RNF17: variants seen among roughly 807,000 people sequenced by gnomAD.
The protein encoded by RNF17 is ring finger protein 17.
A neutral mutation model predicts 200.5 loss-of-function variants in RNF17; 31 were observed. The observed-to-expected ratio is 0.15, with a 90% CI of 0.12 to 0.21. RNF17 has a LOEUF of 0.21. Ranked by LOEUF, RNF17 falls within the 10% of genes least tolerant of loss-of-function variation. The probability of loss-of-function intolerance (pLI) is 1.00; values close to 1 mark genes in which losing one functional copy is unlikely to be tolerated. For missense variants in RNF17, 1,628 were observed against 1,905.1 expected (o/e 0.85, Z 2.71); for synonymous variants, 606 against 637.8 (o/e 0.95, Z 0.75).
At chr13:24,843,994 A>G (rs1890974400) in intron 20 of RNF17, 23 bp downstream of exon 20, 3 of 671,456 alleles carry the variant, frequency 4.5e-6, no homozygotes, top group African/African-American at 3.8e-5. Flanking sequence ...TATATAATAT[A>G]TAAGGAAAAT....
intron 31 of RNF17, among the ~76,000 whole-genome samples, chr13:24,869,313 C>T (rs1208344625): frequency 6.6e-6 from 1 of 152,150 alleles, no homozygotes; most frequent in Non-Finnish European, 1.5e-5. Context: ...CTCTCACAGG[C>T]AGGGGAAGGA....
At chr13:24,797,657 A>G (rs757594628) in intron 11 of RNF17, among the ~76,000 whole-genome samples, 27 of 150,712 alleles carry the variant, frequency 1.8e-4, no homozygotes, top group Non-Finnish European at 3.4e-4. Context: ...GTGTGTCTAC[A>G]TTGTCCCAGT....
intron 25 of RNF17, among the ~76,000 whole-genome samples, chr13:24,857,576 G>A (rs990102685): frequency 6.6e-6 from 1 of 152,188 alleles, no homozygotes; most frequent in Non-Finnish European, 1.5e-5. Context: ...TGTAAGACCT[G>A]TCACTTACAC....
intron 29 of RNF17, 38 bp downstream of exon 29, chr13:24,865,036 G>A: frequency 6.9e-7 from 1 of 1,447,194 alleles, no homozygotes; most frequent in Non-Finnish European, 9.4e-7. Flanking sequence ...CTAAAGTGTA[G>A]AAAAGTCTAG....
intron 15 of RNF17, among the ~76,000 whole-genome samples, chr13:24,812,679 A>C (rs8001694): frequency 0.72 from 31,155 of 43,454 alleles, 9,593 homozygotes; most frequent in Non-Finnish European, 0.75. Flanking sequence ...TCCCCGCCCC[A>C]CCCCCTTTTT....
At chr13:24,762,138 G>T (rs569334312), upstream of RNF17, among the ~76,000 whole-genome samples, 2 of 152,234 alleles carry the variant, frequency 1.3e-5, no homozygotes, top group South Asian at 4.2e-4. Context: ...GGAGGCCTAA[G>T]GCGGGCAGAC....
downstream of RNF17, among the ~76,000 whole-genome samples, chr13:24,880,476 T>C (rs760175484): frequency 2.0e-5 from 3 of 152,228 alleles, no homozygotes; most frequent in South Asian, 2.1e-4. Flanking sequence ...AATGTCTTTA[T>C]AGTTTTACTA....
At chr13:24,769,519 A>C (rs1880356800) in intron 2 of RNF17, among the ~76,000 whole-genome samples, 2 of 152,296 alleles carry the variant, frequency 1.3e-5, no homozygotes, top group Admixed American at 1.3e-4. Context: ...TCATTCAAGA[A>C]ACCTTCCTGA....
chr13:24,821,459 C>T (rs191913635), intron 15 of RNF17, among the ~76,000 whole-genome samples: 1 of 152,224 alleles, frequency 6.6e-6, no homozygotes, highest in Admixed American at 6.5e-5. Flanking sequence ...TTGTCTCTCT[C>T]TTCCTTCTAT....
At chr13:24,796,060 C>A in intron 10 of RNF17, 77 bp from the exon 11 acceptor site, 1 of 1,098,782 alleles carries the variant, frequency 9.1e-7, no homozygotes, top group Non-Finnish European at 1.3e-6. Context: ...CTTTTAGAGG[C>A]TATTATGGTT....
chr13:24,816,046 C>T (rs1887366528), intron 15 of RNF17, among the ~76,000 whole-genome samples: 1 of 152,094 alleles, frequency 6.6e-6, no homozygotes, highest in South Asian at 2.1e-4. Flanking sequence ...AGGTGCACAC[C>T]ACCACACCAG....
chr13:24,779,829 G>T, intron 5 of RNF17, 82 bp downstream of exon 5: 1 of 1,088,118 alleles, frequency 9.2e-7, no homozygotes, highest in Non-Finnish European at 1.4e-6. Flanking sequence ...TGTTACCACT[G>T]AGGTTAGAGC....
intron 18 of RNF17, among the ~76,000 whole-genome samples, chr13:24,833,400 A>C (rs954230896): frequency 5.3e-5 from 8 of 152,228 alleles, no homozygotes; most frequent in Non-Finnish European, 8.8e-5. Flanking sequence ...AGGCTATAGA[A>C]GTTTTCTATC....
At chr13:24,854,398 A>G (rs2138249797) in intron 25 of RNF17, among the ~76,000 whole-genome samples, 1 of 152,306 alleles carries the variant, frequency 6.6e-6, no homozygotes, top group East Asian at 1.9e-4. Context: ...GAAGAAAGGA[A>G]TTTGGAATTT....
upstream of RNF17, among the ~76,000 whole-genome samples, chr13:24,761,358 G>C (rs1387338455): frequency 6.6e-6 from 1 of 152,200 alleles, no homozygotes; most frequent in Non-Finnish European, 1.5e-5. Flanking sequence ...TTTGACCATG[G>C]ATTTGATTTC....
At chr13:24,799,751 C>CT (rs960808181) in intron 12 of RNF17, among the ~76,000 whole-genome samples, 167 bp downstream of exon 12, 3 of 152,046 alleles carry the variant, frequency 2.0e-5, no homozygotes, top group African/African-American at 7.2e-5. Flanking sequence ...ATAAGTAAAA[C>CT]TTTATCATTT....
At chr13:24,875,010 G>A (rs552266991) in intron 33 of RNF17, among the ~76,000 whole-genome samples, 1 of 152,266 alleles carries the variant, frequency 6.6e-6, no homozygotes, top group Non-Finnish European at 1.5e-5. Context: ...GTTGTAGCAT[G>A]TGTCAGAATT....
intron 19 of RNF17, among the ~76,000 whole-genome samples, chr13:24,843,073 C>T (rs539022598): frequency 1.1e-4 from 17 of 152,102 alleles, no homozygotes; most frequent in Non-Finnish European, 1.5e-5. Flanking sequence ...GTAGTGACAC[C>T]CCATAGAGGC....
At chr13:24,832,094 T>G (rs553762221) in intron 18 of RNF17, 116 bp downstream of exon 18, 308 of 711,422 alleles carry the variant, frequency 4.3e-4, no homozygotes, top group Non-Finnish European at 2.0e-4. Context: ...TGGTGAGAGA[T>G]AAGATTTGTT....
Sources: gnomAD v4.1 joint callset for allele counts (sites outside exome capture counted in the v4.1 genomes callset) on GRCh38, gnomAD v4.1.1 for gene constraint, MANE v1.5 for transcripts, NCBI Gene and HGNC (gene_info 2026-07-23, HGNC 2026-07-21) for gene names.